PRMT5: variants seen among roughly 807,000 people sequenced by gnomAD.
PRMT5 encodes the protein protein arginine methyltransferase 5, also known as protein arginine N-methyltransferase 5.
PRMT5 carries 15 observed loss-of-function variants against 84.0 expected under a neutral mutation model. That is an observed-to-expected ratio of 0.18 (90% CI 0.12 to 0.28). PRMT5 has a LOEUF of 0.28. PRMT5 is among the 10% of genes least tolerant of loss of function. PRMT5 has a pLI of 1.00. For synonymous variants in PRMT5, 276 were observed against 292.4 expected, an observed-to-expected ratio of 0.94 and a Z score of 0.57; for missense variants, 486 against 808.0, an observed-to-expected ratio of 0.60 and a Z score of 4.83.
chr14:22,920,725 T>C lies in PRMT5; in HGVS notation c.*179A>G, dbSNP rs752314923. 2 of 927,494 alleles carry C rather than the reference T, an allele frequency of 2.2e-6. No homozygotes were observed. The allele number at this position is 927,494 out of a possible 1,614,324, so 57.5% of individuals were successfully genotyped here. ...CCTGAGGTCTTCATAGATTGGTGGCTTGAGCCCTGCAATTAATTATAATCC... is the reference window on the plus strand; with the variant it reads ...CCTGAGGTCTTCATAGATTGGTGGCCTGAGCCCTGCAATTAATTATAATCC... On this transcript the variant is annotated 3_prime_UTR_variant, in exon 17 of 17. Coordinates refer to ENST00000324366, the MANE Select transcript of PRMT5 (RefSeq NM_006109.5).
Position 22,928,054 on chromosome 14 carries a change from G to C in PRMT5, c.315+72C>G. 2 of 1,288,234 alleles carry C rather than the reference G, an allele frequency of 1.6e-6. No individual in the cohort carries two copies. The highest frequency in any genetic ancestry group is 2.2e-6 in the Non-Finnish European group (2 of 906,672). 79.8% of individuals were successfully genotyped at this position (1,288,234 alleles called of 1,614,324 possible). A position where few individuals can be genotyped will look rare whatever the true frequency, so the allele number is the denominator to read the frequency against. On this transcript the variant is annotated intron_variant, in intron 3 of 16. Coordinates refer to ENST00000324366, the MANE Select transcript of PRMT5 (RefSeq NM_006109.5). This position sits in a 1 kb window ranked among gnomAD's most constrained non-coding sequence, Gnocchi z 4.8. ...TATCAGTTAATTTACCAAGTTATTG[G>C]GGATGGGAGGGGACCACTCTCCCCA...
intron 4 of PRMT5, 124 bp downstream of exon 4, chr14:22,927,402 C>T (rs947194142): frequency 1.5e-6 from 2 of 1,355,418 alleles, no homozygotes; most frequent in African/African-American, 2.9e-5. Flanking sequence ...ACCCACTGTG[C>T]CCGCCAATAC....
intron 1 of PRMT5, 195 bp downstream of exon 1, chr14:22,929,057 A>G (rs533384377): frequency 1.4e-6 from 2 of 1,387,166 alleles, no homozygotes; most frequent in Admixed American, 1.9e-5. Flanking sequence ...TTTGGGACTC[A>G]GTGACCACAG....
rs187461165 is a variant in PRMT5, at chr14:22,928,537, G to A, written c.189C>T (p.Pro63=). ...GTAGGTCTGATCGTGTCTGGGGACC[G>A]GGCCGATTCTTAGCAGGTTCCTGAA... The part of the protein sequence containing the change: ...EFIQEPAKNR[P]GPQTRSDLLL... Residue 63 remains proline (P), a synonymous_variant, in exon 2 of 17, where the codon CCC becomes CCT. Coordinates refer to ENST00000324366, the MANE Select transcript of PRMT5 (RefSeq NM_006109.5). The surrounding 1 kb of genome is among the most constrained non-coding windows in gnomAD (Gnocchi z 4.8). 583 of 1,614,008 alleles carry A rather than the reference G, an allele frequency of 3.6e-4. 16 individuals are homozygous for A. In the Admixed American group the frequency reaches 9.3e-3, roughly 26 times the overall value.
chr14:22,928,875 GGTGTCA>G lies in PRMT5; in HGVS notation c.111-266_111-261del, dbSNP rs747488882. 2.1e-3 allele frequency among the ~76,000 whole-genome samples: 319 copies of G among 152,146 alleles called. 1 individual carries two copies. The highest frequency in any genetic ancestry group is 3.8e-3 in the Non-Finnish European group (256 of 67,990). On this transcript the variant is annotated intron_variant, in intron 1 of 16. Transcript: ENST00000324366. The surrounding 1 kb of genome is among the most constrained non-coding windows in gnomAD (Gnocchi z 4.8). ...CACAAGTAGAATTTTTTTCTCCTCAGGTGTCAGTATGTTTCCAAGACCATCACATCC... is the reference window on the plus strand; with the variant it reads ...CACAAGTAGAATTTTTTTCTCCTCAGGTATGTTTCCAAGACCATCACATCC...
chr14:22,925,029 C>T lies in PRMT5; in HGVS notation c.789G>A (p.Gln263=). The change falls in exon 8 of 17, where the codon CAG becomes CAA. Residue 263 remains glutamine, a synonymous_variant. Transcript: ENST00000324366. ...LIFRLLKLEV[Q]FIITGTNHHS... ...GGTGGTTGGTGCCTGTGATGATGAACTGCACCTCCAACTGTGAGAAAAGTC... is the reference window on the plus strand; with the variant it reads ...GGTGGTTGGTGCCTGTGATGATGAATTGCACCTCCAACTGTGAGAAAAGTC... 1.2e-6 allele frequency: 2 copies of T among 1,613,898 alleles called. No individual in the cohort carries two copies. The highest frequency in any genetic ancestry group is 1.7e-6 in the Non-Finnish European group (2 of 1,179,892).
rs370355589 is a variant in PRMT5 at position 22,924,714 on chromosome 14, T to G, written c.940-5A>C. 8 of 1,613,516 alleles carry G rather than the reference T, an allele frequency of 5.0e-6. No individual in the cohort carries two copies. In the South Asian group the frequency reaches 7.7e-5, roughly 16 times the overall value. On this transcript the variant is annotated splice_polypyrimidine_tract_variant and splice_region_variant and intron_variant, in intron 8 of 16. Transcript: ENST00000324366. The surrounding 1 kb of genome is among the most constrained non-coding windows in gnomAD (Gnocchi z 6.5). Reference sequence around the variant, plus strand: ...TTCCAGATTGTCCATCAGTGGCTGATGAATGAGGAAAAGGACAAAGTTAGC... The same window carrying G: ...TTCCAGATTGTCCATCAGTGGCTGAGGAATGAGGAAAAGGACAAAGTTAGC...
At chr14:22,927,814 T>C (rs1009390469) in intron 3 of PRMT5, among the ~76,000 whole-genome samples, 154 bp from the exon 4 acceptor site, 2 of 151,090 alleles carry the variant, frequency 1.3e-5, no homozygotes, top group African/African-American at 4.9e-5. Flanking sequence ...GCTCAACTGA[T>C]CCTCCCTCCT....
intron 3 of PRMT5, 101 bp from the exon 4 acceptor site, chr14:22,927,761 G>C (rs1262619940): frequency 1.4e-6 from 2 of 1,386,168 alleles, no homozygotes; most frequent in East Asian, 5.0e-5. Context: ...AGGCTGGAGT[G>C]CAGTGGCACA....
rs112864791 is a variant in PRMT5, at chr14:22,923,670, C to T, written c.1375+338G>A. On this transcript the variant is annotated intron_variant, in intron 12 of 16. Coordinates refer to ENST00000324366, the MANE Select transcript of PRMT5 (RefSeq NM_006109.5). The surrounding 1 kb of genome is among the most constrained non-coding windows in gnomAD (Gnocchi z 5.2). ...CTGGGATTACAGGCGTGCACCGCCA[C>T]GCCTGGCTAATTTTTGTATTTTTAG... Among the ~76,000 whole-genome samples the T allele has an allele frequency of 0.074, 11,175 of 152,026 alleles. 787 individuals carry two copies. Among genetic ancestry groups the T allele is most frequent in the African/African-American group, 0.19 (7,840 of 41,410 alleles).
At position 22,928,476 on chromosome 14, in the gene PRMT5, G is replaced by C; in HGVS notation, c.229+21C>G. 2 of 1,549,990 alleles carry C rather than the reference G, an allele frequency of 1.3e-6. No homozygotes were observed. Among genetic ancestry groups the C allele is most frequent in the South Asian group, 2.2e-5 (2 of 89,728 alleles). The stretch of plus-strand genomic sequence containing the variant: ...TTGTTATTGCCTCTAATAATTAAGG[G>C]GCATATGGGATGGTCCCTACCCCTT... On this transcript the variant is annotated intron_variant, in intron 2 of 16. Coordinates refer to ENST00000324366, the MANE Select transcript of PRMT5 (RefSeq NM_006109.5). This position sits in a 1 kb window ranked among gnomAD's most constrained non-coding sequence, Gnocchi z 4.8.
rs1301983404 is a variant in PRMT5 at position 22,926,793 on chromosome 14, C to A, written c.472G>T (p.Val158Leu). The A allele has an allele frequency of 6.2e-7, 1 of 1,613,830 alleles. No homozygotes were observed. The highest frequency in any genetic ancestry group is 8.5e-7 in the Non-Finnish European group (1 of 1,179,858). Residue 158 changes from valine (V) to leucine (L), a missense_variant, in exon 5 of 17, where the codon GTG (valine) becomes TTG (leucine). Coordinates refer to ENST00000324366, the MANE Select transcript of PRMT5 (RefSeq NM_006109.5). ...TCATCTCTCAGGTCCTCTGGTGCCA[C>A]CAAGGGTACCCGCATCCAGAACTGC... ...SSMFWMRVPL[V>L]APEDLRDDII...
rs1365018376 is a variant in PRMT5 at position 22,926,274 on chromosome 14, G to C, written c.636C>G (p.Leu212=). 6.2e-7 allele frequency: 1 copy of C among 1,613,666 alleles called. No homozygotes were observed. The highest frequency in any genetic ancestry group is 1.3e-5 in the African/African-American group (1 of 74,870). Residue 212 remains leucine (L), a synonymous_variant, in exon 7 of 17, where the codon CTC becomes CTG. Transcript: ENST00000324366. ...AGCGATCAATGACATGATTAGATGG[G>C]AGGTCAGCCCCAATTTCAAGAGCTA... ...IAVALEIGAD[L]PSNHVIDRWL... is the part of the protein sequence containing the mutation.
Position 22,924,721 on chromosome 14 carries a change from G to A in PRMT5, c.940-12C>T. The A allele has an allele frequency of 1.2e-6, 2 of 1,612,824 alleles. No homozygotes were observed. The highest frequency in any genetic ancestry group is 1.7e-6 in the Non-Finnish European group (2 of 1,179,206). On this transcript the variant is annotated splice_polypyrimidine_tract_variant and intron_variant, in intron 8 of 16. Transcript: ENST00000324366. The surrounding 1 kb of genome is among the most constrained non-coding windows in gnomAD (Gnocchi z 6.5). ...TTGTCCATCAGTGGCTGATGAATGA[G>A]GAAAAGGACAAAGTTAGCCAGTTTC... is the stretch of plus-strand genomic sequence containing the variant.
chr14:22,922,698 A>T, intron 14 of PRMT5, 44 bp downstream of exon 14: 1 of 1,582,394 alleles, frequency 6.3e-7, no homozygotes, highest in Non-Finnish European at 8.7e-7. Flanking sequence ...GGAAGGAAGA[A>T]GCCCGTACCC....
intron 7 of PRMT5, among the ~76,000 whole-genome samples, chr14:22,925,418 A>G (rs1156725711): frequency 1.3e-5 from 2 of 151,734 alleles, no homozygotes; most frequent in African/African-American, 4.8e-5. Flanking sequence ...CAGCCTCCCA[A>G]AGTCCTGGGA....
At position 22,924,253 on chromosome 14, in the gene PRMT5, A is replaced by G; in HGVS notation, c.1199+17T>C. On this transcript the variant is annotated intron_variant, in intron 11 of 16. Transcript: ENST00000324366. The surrounding 1 kb of genome is among the most constrained non-coding windows in gnomAD (Gnocchi z 6.5). ...GGCAATGAGGACTAACTTCCCAGCA[A>G]GCAGGTTGCTACTCACGTCACCACG... The G allele has an allele frequency of 1.2e-6, 2 of 1,613,588 alleles. No homozygotes were observed. The highest frequency in any genetic ancestry group is 1.7e-6 in the Non-Finnish European group (2 of 1,179,566).
At position 22,928,624 on chromosome 14, in the gene PRMT5, G is replaced by T; in HGVS notation, c.111-9C>A. On this transcript the variant is annotated splice_polypyrimidine_tract_variant and intron_variant, in intron 1 of 16. Coordinates refer to ENST00000324366, the MANE Select transcript of PRMT5 (RefSeq NM_006109.5). This position sits in a 1 kb window ranked among gnomAD's most constrained non-coding sequence, Gnocchi z 4.8. ...TGCAGAGGAAATCAAACCTACAACCGCGACAGACCCAGAATCATGTAAAGA... is the reference window on the plus strand; with the variant it reads ...TGCAGAGGAAATCAAACCTACAACCTCGACAGACCCAGAATCATGTAAAGA... The T allele has an allele frequency of 6.3e-7, 1 of 1,580,000 alleles. No homozygotes were observed. The highest frequency in any genetic ancestry group is 8.7e-7 in the Non-Finnish European group (1 of 1,149,032).
At chr14:22,926,476 A>G in intron 6 of PRMT5, 30 bp downstream of exon 6, 2 of 1,613,460 alleles carry the variant, frequency 1.2e-6, no homozygotes, top group Non-Finnish European at 1.7e-6. Context: ...AAGAGAAGCC[A>G]CACCCATCCC....
Sources: gnomAD v4.1 joint callset for allele counts (sites outside exome capture counted in the v4.1 genomes callset) on GRCh38, gnomAD v4.1.1 for gene constraint, Gnocchi (gnomAD v3.1) non-coding constraint, MANE v1.5 for transcripts, NCBI Gene and HGNC (gene_info 2026-07-23, HGNC 2026-07-21) for gene names.